Variants in RNFT2 observed in about 807,000 individuals in gnomAD.
RNFT2 encodes the protein E3 ubiquitin-protein ligase RNFT2.
In RNFT2, 36 loss-of-function variants were observed where a neutral mutation model predicts 53.0. The ratio of observed to expected loss-of-function variants is 0.68; its 90% CI spans 0.52 to 0.90. The LOEUF is 0.90. RNFT2 is among the 40% of genes least tolerant of loss of function. The pLI, the probability that RNFT2 is intolerant of heterozygous loss-of-function variation, is 0.00. For synonymous variants in RNFT2, 260 were observed against 253.2 expected, an observed-to-expected ratio of 1.03 and a Z score of -0.26; for missense variants, 514 against 585.6, an observed-to-expected ratio of 0.88 and a Z score of 1.26.
intron 5 of RNFT2, among the ~76,000 whole-genome samples, chr12:116,757,923 C>T (rs1230491864): frequency 1.3e-5 from 2 of 152,150 alleles, no homozygotes; most frequent in Non-Finnish European, 2.9e-5. Flanking sequence ...CAGTGGAATA[C>T]TGAAGTCCCC....
intron 6 of RNFT2, among the ~76,000 whole-genome samples, chr12:116,768,500 C>A (rs1873020066): frequency 6.6e-6 from 1 of 152,126 alleles, no homozygotes; most frequent in Admixed American, 6.6e-5. Flanking sequence ...TATAATGGAG[C>A]TAGAAAATTC....
chr12:116,816,993 CT>C (rs1875716242), intron 7 of RNFT2, among the ~76,000 whole-genome samples: 1 of 152,052 alleles, frequency 6.6e-6, no homozygotes, highest in Admixed American at 6.6e-5. Flanking sequence ...TGTGTCTGGT[CT>C]TTGTAGTTTC....
chr12:116,795,397 G>A (rs1334179384), intron 7 of RNFT2, among the ~76,000 whole-genome samples: 2 of 150,072 alleles, frequency 1.3e-5, no homozygotes, highest in Admixed American at 6.6e-5. Flanking sequence ...GGCAGAGTGA[G>A]ACTCCATCTC....
chr12:116,794,157 T>G (rs950966351), intron 7 of RNFT2, among the ~76,000 whole-genome samples: 3 of 152,006 alleles, frequency 2.0e-5, no homozygotes, highest in Non-Finnish European at 4.4e-5. Flanking sequence ...CCCAGCTATT[T>G]AGGAGGCTGA....
intron 6 of RNFT2, 46 bp downstream of exon 6, chr12:116,766,960 G>T: frequency 7.2e-7 from 1 of 1,397,644 alleles, no homozygotes; most frequent in Non-Finnish European, 9.9e-7. Flanking sequence ...TGGGGCACTT[G>T]GCTGGGCTTG....
intron 5 of RNFT2, among the ~76,000 whole-genome samples, chr12:116,762,011 G>A (rs1872707495): frequency 6.9e-6 from 1 of 144,692 alleles, no homozygotes; most frequent in African/African-American, 2.5e-5. Flanking sequence ...AGGTTGCAGT[G>A]AGCCGAGATC....
In RNFT2 at chr12:116,834,942, C is replaced by T. The variant is rs143068431; in HGVS notation, c.1032+1001C>T. On this transcript the variant is annotated intron_variant, in intron 8 of 10. Coordinates refer to ENST00000257575, the MANE Select transcript of RNFT2 (RefSeq NM_001382266.1). ...TTGGCTCATTGCAACCTCCGCCTCCCGGGTTCAAGCGATTCTCATGTCTCA... is the reference window on the plus strand; with the variant it reads ...TTGGCTCATTGCAACCTCCGCCTCCTGGGTTCAAGCGATTCTCATGTCTCA... Among the ~76,000 whole-genome samples, 111 of 151,644 alleles carry T rather than the reference C, an allele frequency of 7.3e-4. No homozygotes were observed. In the Middle Eastern group the frequency reaches 0.01, roughly 14 times the overall value.
intron 6 of RNFT2, among the ~76,000 whole-genome samples, chr12:116,776,190 C>T (rs1160454760): frequency 6.6e-6 from 1 of 151,996 alleles, no homozygotes; most frequent in African/African-American, 2.4e-5. Flanking sequence ...CTTTGGCACC[C>T]ACCCCCCAAC....
intron 7 of RNFT2, among the ~76,000 whole-genome samples, chr12:116,822,346 G>GTC (rs564255876): frequency 4.4e-4 from 67 of 151,074 alleles, no homozygotes; most frequent in Middle Eastern, 3.4e-3. Context: ...CTCTCTCTCT[G>GTC]TCTCTCTCTC....
At chr12:116,828,744 A>G (rs550514893) in intron 7 of RNFT2, among the ~76,000 whole-genome samples, 2 of 152,160 alleles carry the variant, frequency 1.3e-5, no homozygotes, top group African/African-American at 4.8e-5. Context: ...GCAGGAAGGG[A>G]GGGAAGGAAG....
At position 116,846,732 on chromosome 12, in the gene RNFT2, CATT is replaced by C. The variant is rs573903746; in HGVS notation, c.1201-2580_1201-2578del. 2.4e-3 allele frequency among the ~76,000 whole-genome samples: 361 copies of C among 152,078 alleles called. 1 individual carries two copies. The highest frequency in any genetic ancestry group is 8.1e-3 in the African/African-American group (335 of 41,490). On this transcript the variant is annotated intron_variant, in intron 10 of 10. Transcript: ENST00000257575. ...CTATTCTTCATCCAGATTTACTGAT[CATT>C]AACATTTTACATTTGCCCTTTTTTT...
intron 10 of RNFT2, among the ~76,000 whole-genome samples, chr12:116,845,398 G>A (rs775849133): frequency 4.0e-5 from 6 of 151,840 alleles, no homozygotes; most frequent in African/African-American, 9.7e-5. Context: ...GAGAAGACGC[G>A]ATCAGTACTT....
chr12:116,774,778 G>C (rs1038393602), intron 6 of RNFT2, among the ~76,000 whole-genome samples: 1 of 151,336 alleles, frequency 6.6e-6, no homozygotes, highest in Non-Finnish European at 1.5e-5. Flanking sequence ...TCCGGGTGGA[G>C]GGTGGAGGGT....
chr12:116,832,464 C>T (rs1474277040), intron 7 of RNFT2, among the ~76,000 whole-genome samples: 2 of 152,074 alleles, frequency 1.3e-5, no homozygotes, highest in African/African-American at 4.8e-5. Context: ...ATCCGTTCTT[C>T]CATTGATGGG....
At chr12:116,838,969 T>A (rs1434372230) in intron 10 of RNFT2, among the ~76,000 whole-genome samples, 1 of 152,216 alleles carries the variant, frequency 6.6e-6, no homozygotes, top group Non-Finnish European at 1.5e-5. Flanking sequence ...GCAGAGATGA[T>A]TCACATAGGT....
At chr12:116,760,267 T>C (rs541841338) in intron 5 of RNFT2, among the ~76,000 whole-genome samples, 50 of 152,270 alleles carry the variant, frequency 3.3e-4, no homozygotes, top group African/African-American at 9.9e-4. Context: ...TGCCCCAGAC[T>C]ATCCGCCTCC....
At chr12:116,830,586 C>T (rs1330116360) in intron 7 of RNFT2, among the ~76,000 whole-genome samples, 1 of 152,220 alleles carries the variant, frequency 6.6e-6, no homozygotes, top group East Asian at 1.9e-4. Flanking sequence ...TTGCACCTGG[C>T]CTATTGACAT....
intron 10 of RNFT2, among the ~76,000 whole-genome samples, chr12:116,842,915 TCTC>T (rs1354738247): frequency 6.6e-6 from 1 of 152,032 alleles, no homozygotes; most frequent in African/African-American, 2.4e-5. Flanking sequence ...AACTGCCTGT[TCTC>T]CTCCTCACCT....
chr12:116,776,609 G>T (rs920215548), intron 6 of RNFT2, among the ~76,000 whole-genome samples: 6 of 152,176 alleles, frequency 3.9e-5, no homozygotes, highest in African/African-American at 1.4e-4. Flanking sequence ...AAATAACCCA[G>T]ACCAATCCGT....
Sources: allele counts gnomAD v4.1 joint callset (sites outside exome capture counted in the v4.1 genomes callset), GRCh38; gene constraint gnomAD v4.1.1; transcripts MANE v1.5; gene names NCBI Gene and HGNC (gene_info 2026-07-23, HGNC 2026-07-21).